Variants in DGLUCY observed in about 807,000 individuals in gnomAD.
DGLUCY encodes the protein D-glutamate cyclase.
A neutral mutation model predicts 58.5 loss-of-function variants in DGLUCY; 58 were observed. The observed-to-expected ratio is 0.99, with a 90% CI of 0.80 to 1.23. The LOEUF is 1.23. Ranked by LOEUF, DGLUCY falls within the 50% of genes most tolerant of loss-of-function variation. DGLUCY has a pLI of 0.00. For synonymous variants in DGLUCY, 325 were observed against 314.1 expected (o/e 1.03, Z -0.37); for missense variants, 779 against 784.7 (o/e 0.99, Z 0.09).
intron 1 of DGLUCY, among the ~76,000 whole-genome samples, chr14:91,133,463 T>A (rs545451458): frequency 6.6e-6 from 1 of 152,292 alleles, no homozygotes; most frequent in Non-Finnish European, 1.5e-5. Context: ...TATACAAATA[T>A]CTGTTCGAAT....
At chr14:91,065,460 C>A (rs2043804768) in intron 1 of DGLUCY, among the ~76,000 whole-genome samples, 1 of 152,146 alleles carries the variant, frequency 6.6e-6, no homozygotes, top group Non-Finnish European at 1.5e-5. Context: ...TGGATGAGTT[C>A]TCAACCTTGG....
chr14:91,088,564 T>C (rs9972263), intron 1 of DGLUCY, among the ~76,000 whole-genome samples: 41,927 of 152,074 alleles, frequency 0.28, 6,687 homozygotes, highest in African/African-American at 0.43. Context: ...CTGATGAGAT[T>C]TCAGAGCCAG....
intron 1 of DGLUCY, among the ~76,000 whole-genome samples, chr14:91,134,918 T>C (rs761271261): frequency 2.0e-5 from 3 of 151,986 alleles, no homozygotes; most frequent in Non-Finnish European, 4.4e-5. Flanking sequence ...CCCAAGCCTT[T>C]ACACATTTTT....
At chr14:91,124,038 C>T (rs1205597607) in intron 1 of DGLUCY, among the ~76,000 whole-genome samples, 2 of 151,674 alleles carry the variant, frequency 1.3e-5, no homozygotes, top group Admixed American at 1.3e-4. Flanking sequence ...AGCGATTTTC[C>T]TACCTCAACT....
At chr14:91,156,211 T>G (rs1054402823) in intron 1 of DGLUCY, among the ~76,000 whole-genome samples, 1 of 152,028 alleles carries the variant, frequency 6.6e-6, no homozygotes, top group Admixed American at 6.6e-5. Flanking sequence ...CCTCCCAGGT[T>G]CAAGTGATTC....
intron 7 of DGLUCY, among the ~76,000 whole-genome samples, chr14:91,176,436 G>A (rs148079690): frequency 4.0e-4 from 61 of 152,038 alleles, no homozygotes; most frequent in Non-Finnish European, 6.8e-4. Flanking sequence ...ATGTTGGCCA[G>A]GATGGTCTCA....
At chr14:91,138,536 T>C (rs991179959) in intron 1 of DGLUCY, among the ~76,000 whole-genome samples, 4 of 151,638 alleles carry the variant, frequency 2.6e-5, no homozygotes, top group Non-Finnish European at 5.9e-5. Flanking sequence ...CTGGGTAACT[T>C]ATAAAGGAAA....
intron 1 of DGLUCY, among the ~76,000 whole-genome samples, chr14:91,068,919 A>T (rs998135233): frequency 1.3e-5 from 2 of 152,218 alleles, no homozygotes; most frequent in African/African-American, 4.8e-5. Flanking sequence ...ATGAGCAGGC[A>T]ATATGTTTCC....
intron 1 of DGLUCY, among the ~76,000 whole-genome samples, chr14:91,081,795 G>A (rs1282679154): frequency 6.6e-6 from 1 of 151,860 alleles, no homozygotes; most frequent in Non-Finnish European, 1.5e-5. Context: ...AGGCTGGAGT[G>A]CAGTGGCACC....
At chr14:91,077,062 G>A (rs958690467) in intron 1 of DGLUCY, among the ~76,000 whole-genome samples, 6 of 152,098 alleles carry the variant, frequency 3.9e-5, no homozygotes, top group African/African-American at 7.2e-5. Flanking sequence ...GAGCAACATC[G>A]TGAGAGCCTG....
At chr14:91,167,753 C>T (rs1451113629) in intron 4 of DGLUCY, 1 of 670,788 alleles carries the variant, frequency 1.5e-6, no homozygotes. Context: ...TGTCTGTTCT[C>T]CCAGGCTTTT....
intron 11 of DGLUCY, among the ~76,000 whole-genome samples, chr14:91,201,722 G>C (rs112179674): frequency 0.014 from 2,141 of 152,060 alleles, 55 homozygotes; most frequent in African/African-American, 0.049. Flanking sequence ...TCAATTACAG[G>C]CATGAGCCAC....
At chr14:91,060,824 G>C (rs1046977871) in intron 1 of DGLUCY, 3 of 162,944 alleles carry the variant, frequency 1.8e-5, no homozygotes, top group African/African-American at 7.2e-5. Flanking sequence ...CTCGCTCCTC[G>C]AATTGTTGTT....
chr14:91,118,917 A>C (rs1016076327), intron 1 of DGLUCY, among the ~76,000 whole-genome samples: 19 of 152,284 alleles, frequency 1.2e-4, no homozygotes, highest in African/African-American at 4.3e-4. Context: ...TGGGAGTTCG[A>C]AACCAGCCTG....
intron 1 of DGLUCY, among the ~76,000 whole-genome samples, chr14:91,090,463 T>C (rs2044293020): frequency 6.6e-6 from 1 of 152,168 alleles, no homozygotes; most frequent in Non-Finnish European, 1.5e-5. Context: ...CTGCATGACT[T>C]TGGCCATAAG....
intron 1 of DGLUCY, among the ~76,000 whole-genome samples, chr14:91,101,512 C>CA (rs534342114): frequency 8.5e-5 from 13 of 152,336 alleles, no homozygotes; most frequent in African/African-American, 3.1e-4. Flanking sequence ...GATGCCCTTA[C>CA]AATGATATGA....
intron 1 of DGLUCY, among the ~76,000 whole-genome samples, chr14:91,062,558 A>AAATAT (rs1555386902): frequency 4.2e-5 from 1 of 23,696 alleles, no homozygotes; most frequent in Non-Finnish European, 7.5e-5. Context: ...AAAAAAAAAA[A>AAATAT]ATATATATAT....
intron 3 of DGLUCY, 75 bp from the exon 4 acceptor site, chr14:91,167,150 A>C: frequency 6.7e-7 from 1 of 1,498,714 alleles, no homozygotes. Flanking sequence ...AAAAAAAAAA[A>C]AAAGAAAGAA....
Position 91,175,484 on chromosome 14 carries a change from G to A in DGLUCY, c.608-450G>A, listed in dbSNP as rs115626479. Among the ~76,000 whole-genome samples the A allele has an allele frequency of 4.8e-3, 734 of 152,282 alleles. 7 individuals are homozygous for A. The highest frequency in any genetic ancestry group is 0.017 in the African/African-American group (692 of 41,554). ...CCACCAGGATGGTGTCTGCTGAGGA[G>A]TTTTATCATTAGCGGGGATGGATTG... On this transcript the variant is annotated intron_variant, in intron 6 of 13. Transcript: ENST00000256324.
Sources: allele counts gnomAD v4.1 joint callset (sites outside exome capture counted in the v4.1 genomes callset), GRCh38; gene constraint gnomAD v4.1.1; transcripts MANE v1.5; gene names NCBI Gene and HGNC (gene_info 2026-07-23, HGNC 2026-07-21).